NFIB: variants seen among roughly 807,000 people sequenced by gnomAD.
NFIB encodes the protein nuclear factor 1 B-type.
In NFIB, 11 loss-of-function variants were observed where a neutral mutation model predicts 61.5. The ratio of observed to expected loss-of-function variants is 0.18; its 90% CI spans 0.11 to 0.30. NFIB has a LOEUF of 0.30. NFIB is among the 10% of genes least tolerant of loss of function. The pLI, the probability that NFIB is intolerant of heterozygous loss-of-function variation, is 1.00. For synonymous variants in NFIB, 260 were observed against 216.5 expected, an observed-to-expected ratio of 1.20 and a Z score of -1.76; for missense variants, 471 against 608.9, an observed-to-expected ratio of 0.77 and a Z score of 2.38.
At chr9:14,239,653 T>C (rs560846215) in intron 2 of NFIB, among the ~76,000 whole-genome samples, 341 of 152,314 alleles carry the variant, frequency 2.2e-3, no homozygotes, top group Admixed American at 5.0e-3. Context: ...GCCAAATTAT[T>C]TTATAATGAT....
chr9:14,400,314 G>A (rs561801645), upstream of NFIB, among the ~76,000 whole-genome samples: 3 of 152,132 alleles, frequency 2.0e-5, no homozygotes, highest in Non-Finnish European at 4.4e-5. Flanking sequence ...ATTCAGAAAC[G>A]ATGTTTGCTG....
chr9:14,441,317 C>T, the NFIB span, among the ~76,000 whole-genome samples: 1 of 152,134 alleles, frequency 6.6e-6, no homozygotes, highest in East Asian at 1.9e-4. Flanking sequence ...ATTCTCCAAA[C>T]TGTTATTTAA....
At chr9:14,257,415 G>A (rs1417290928) in intron 2 of NFIB, among the ~76,000 whole-genome samples, 3 of 152,108 alleles carry the variant, frequency 2.0e-5, no homozygotes, top group Non-Finnish European at 4.4e-5. Context: ...GCCTAGCTCA[G>A]TGCTGAATGA....
In NFIB at chr9:14,087,840, G is replaced by C; in HGVS notation, c.*469C>G. On this transcript the variant is annotated 3_prime_UTR_variant, in exon 11 of 11. Coordinates refer to ENST00000380953, the MANE Select transcript of NFIB (RefSeq NM_001190737.2). Reference sequence around the variant, plus strand: ...TAGTGATTCCATGCGTAAACAACAAGAATACTAAACCAATAAAACTAGCTT... The same window carrying C: ...TAGTGATTCCATGCGTAAACAACAACAATACTAAACCAATAAAACTAGCTT... 1 of 224,656 alleles carries C rather than the reference G, an allele frequency of 4.5e-6. No individual in the cohort carries two copies. Among genetic ancestry groups the C allele is most frequent in the Non-Finnish European group, 8.9e-6 (1 of 112,484 alleles). The allele number at this position is 224,656 out of a possible 1,614,324, so 13.9% of individuals were successfully genotyped here.
chr9:14,505,083 G>A, the NFIB span, among the ~76,000 whole-genome samples: 1 of 152,142 alleles, frequency 6.6e-6, no homozygotes, highest in African/African-American at 2.4e-5. Flanking sequence ...CATCTATTGA[G>A]GTGATCACGT....
At chr9:14,283,489 A>C (rs117405128) in intron 2 of NFIB, among the ~76,000 whole-genome samples, 1 of 152,338 alleles carries the variant, frequency 6.6e-6, no homozygotes, top group East Asian at 1.9e-4. Flanking sequence ...CTAACTGGCA[A>C]GTCTAGCATC....
At chr9:14,186,062 T>C (rs112627426) in intron 2 of NFIB, among the ~76,000 whole-genome samples, 2,329 of 152,268 alleles carry the variant, frequency 0.015, 56 homozygotes, top group African/African-American at 0.051. Flanking sequence ...CACCATGGCT[T>C]GAGGATCAAC....
At chr9:14,299,921 C>T (rs2059659292) in intron 2 of NFIB, among the ~76,000 whole-genome samples, 1 of 152,128 alleles carries the variant, frequency 6.6e-6, no homozygotes, top group Admixed American at 6.5e-5. Context: ...ACTTGTTAGC[C>T]ATTTCTTCCA....
Position 14,356,943 on chromosome 9 carries a change from G to A in NFIB, c.108+41581C>T, listed in dbSNP as rs191857468. Among the ~76,000 whole-genome samples, 29 of 152,258 alleles carry A rather than the reference G, an allele frequency of 1.9e-4. No individual in the cohort carries two copies. In the East Asian group the frequency reaches 4.2e-3, roughly 22 times the overall value. ...AGAAGCTCACTGAAAATATTATAGC[G>A]GAATGTTTGGTCAGGAGGTCTGCTT... On this transcript the variant is annotated intron_variant, in intron 1 of 8. Coordinates refer to the NFIB transcript ENST00000380934.
intron 1 of NFIB, among the ~76,000 whole-genome samples, chr9:14,385,786 T>TC (rs2061542533): frequency 7.0e-6 from 1 of 143,854 alleles, no homozygotes; most frequent in Admixed American, 6.9e-5. Context: ...AGTGGAATCT[T>TC]TTTTTTTTTT....
At chr9:14,156,617 G>A (rs113923357) in intron 3 of NFIB, among the ~76,000 whole-genome samples, 3 of 152,114 alleles carry the variant, frequency 2.0e-5, no homozygotes, top group Non-Finnish European at 2.9e-5. Flanking sequence ...TCACACCGGG[G>A]CAGGGTCCAC....
intron 2 of NFIB, among the ~76,000 whole-genome samples, chr9:14,217,729 T>A (rs2077692326): frequency 6.7e-6 from 1 of 148,380 alleles, no homozygotes; most frequent in African/African-American, 2.5e-5. Flanking sequence ...GGAAGACTCA[T>A]CAAAAATCCT....
chr9:14,169,626 GC>G (rs1431312202), intron 3 of NFIB, among the ~76,000 whole-genome samples: 1 of 152,158 alleles, frequency 6.6e-6, no homozygotes, highest in African/African-American at 2.4e-5. Context: ...TTCAAGACCA[GC>G]CTGGCCAACA....
chr9:14,141,738 A>G (rs2041727228), intron 6 of NFIB, among the ~76,000 whole-genome samples: 1 of 151,966 alleles, frequency 6.6e-6, no homozygotes, highest in South Asian at 2.1e-4. Flanking sequence ...TTTTGAATTT[A>G]TATTTTATCT....
At chr9:14,151,827 G>A (rs2042905538) in intron 4 of NFIB, among the ~76,000 whole-genome samples, 1 of 152,038 alleles carries the variant, frequency 6.6e-6, no homozygotes, top group African/African-American at 2.4e-5. Context: ...CTGGGGCTTT[G>A]CAACAAAATT....
At chr9:14,397,588 C>T (rs2061699584) in intron 1 of NFIB, among the ~76,000 whole-genome samples, 1 of 152,030 alleles carries the variant, frequency 6.6e-6, no homozygotes, top group Non-Finnish European at 1.5e-5. Context: ...AACTAAGGAC[C>T]CAGGGTCATT....
Position 14,120,518 on chromosome 9 carries a change from A to G in NFIB, c.1167T>C (p.Tyr389=). 1 of 1,614,092 alleles carries G rather than the reference A, an allele frequency of 6.2e-7. No individual in the cohort carries two copies. Among genetic ancestry groups the G allele is most frequent in the Non-Finnish European group, 8.5e-7 (1 of 1,180,012 alleles). ...SSYFSHPTIR[Y]PPHLNPQDTL... Reference sequence around the variant, plus strand: ...TATCCTGAGGATTCAGGTGGGGAGGATATCTGATTGTTGGATGAGAAAAGT... The same window carrying G: ...TATCCTGAGGATTCAGGTGGGGAGGGTATCTGATTGTTGGATGAGAAAAGT... Residue 389 remains tyrosine, a synonymous_variant, in exon 8 of 11, where the codon TAT becomes TAC. Transcript: ENST00000380953. The surrounding 1 kb of genome is among the most constrained non-coding windows in gnomAD (Gnocchi z 4.4).
chr9:14,089,870 A>T (rs983419181), intron 10 of NFIB, among the ~76,000 whole-genome samples: 1 of 152,180 alleles, frequency 6.6e-6, no homozygotes, highest in African/African-American at 2.4e-5. Context: ...ACCTCGATAC[A>T]AAATGTTGCT....
At chr9:14,427,940 T>TTTTTTTTTG in the NFIB span, among the ~76,000 whole-genome samples, 6 of 74,376 alleles carry the variant, frequency 8.1e-5, no homozygotes, top group African/African-American at 4.4e-4. Context: ...TTCAGTTGTT[T>TTTTTTTTTG]TTTTTTTTTT....
Sources: allele counts gnomAD v4.1 joint callset (sites outside exome capture counted in the v4.1 genomes callset), GRCh38; gene constraint gnomAD v4.1.1; non-coding constraint Gnocchi (gnomAD v3.1); transcripts MANE v1.5; gene names NCBI Gene and HGNC (gene_info 2026-07-23, HGNC 2026-07-21).